The following CYSTM1 variants were observed in gnomAD, a reference collection of about 807,000 sequenced individuals.
CYSTM1 encodes the protein cysteine-rich transmembrane module-containing protein 1.
In CYSTM1, 4 loss-of-function variants were observed where a neutral mutation model predicts 13.1. The observed-to-expected ratio is 0.31, with a 90% confidence interval of 0.15 to 0.70. The LOEUF is 0.70. CYSTM1 is among the 30% of genes least tolerant of loss of function. The probability of loss-of-function intolerance (pLI) is 0.72; values close to 1 mark genes in which losing one functional copy is unlikely to be tolerated. For synonymous variants in CYSTM1, 36 were observed against 42.7 expected (o/e 0.84, Z 0.62); for missense variants, 96 against 121.6 (o/e 0.79, Z 0.99).
intron 1 of CYSTM1, among the ~76,000 whole-genome samples, chr5:140,182,551 C>T (rs963551146): frequency 2.0e-5 from 3 of 151,538 alleles, no homozygotes; most frequent in Non-Finnish European, 4.4e-5. Context: ...TTACATTGTT[C>T]TTTCTGTGCC....
At chr5:140,208,724 T>A (rs1052653397) in intron 2 of CYSTM1, among the ~76,000 whole-genome samples, 1 of 152,022 alleles carries the variant, frequency 6.6e-6, no homozygotes, top group African/African-American at 2.4e-5. Context: ...AAAATTAAAA[T>A]AAAAAAATAT....
chr5:140,216,048 C>G (rs1764422174), intron 2 of CYSTM1, among the ~76,000 whole-genome samples: 1 of 151,702 alleles, frequency 6.6e-6, no homozygotes, highest in South Asian at 2.1e-4. Context: ...AGACTGAGGC[C>G]AGAGAATCAC....
chr5:140,177,079 A>AAAAAAAAAAAC (rs1763900139), intron 1 of CYSTM1, among the ~76,000 whole-genome samples: 1 of 119,712 alleles, frequency 8.4e-6, no homozygotes, highest in Non-Finnish European at 1.9e-5. Flanking sequence ...AAAAAAAAAA[A>AAAAAAAAAAAC]AAAAAAAATC....
chr5:140,230,739 T>G lies in CYSTM1; in HGVS notation c.188-12566T>G, dbSNP rs1039045416. On this transcript the variant is annotated intron_variant, in intron 2 of 2. Coordinates refer to ENST00000261811, the MANE Select transcript of CYSTM1 (RefSeq NM_032412.4). The surrounding 1 kb of genome is among the most constrained non-coding windows in gnomAD (Gnocchi z 4.1). ...TTCTTGACTGCCATCTTGTAAACTC[T>G]GTTAGGGATTGGTGTCTTTAATCTT... Among the ~76,000 whole-genome samples the G allele has an allele frequency of 6.6e-6, 1 of 152,228 alleles. No individual in the cohort carries two copies. The highest frequency in any genetic ancestry group is 2.4e-5 in the African/African-American group (1 of 41,456).
At chr5:140,214,102 G>A (rs902210339) in intron 2 of CYSTM1, among the ~76,000 whole-genome samples, 1 of 152,168 alleles carries the variant, frequency 6.6e-6, no homozygotes, top group Admixed American at 6.5e-5. Flanking sequence ...TGGGGACTCA[G>A]CACCATCTTA....
chr5:140,233,724 A>T (rs997489933), intron 2 of CYSTM1, among the ~76,000 whole-genome samples: 1 of 152,122 alleles, frequency 6.6e-6, no homozygotes, highest in Non-Finnish European at 1.5e-5. Context: ...GTGTTTTCCT[A>T]ATAGTTAGTG....
intron 2 of CYSTM1, among the ~76,000 whole-genome samples, chr5:140,207,641 A>G (rs1247197894): frequency 6.6e-6 from 1 of 152,194 alleles, no homozygotes; most frequent in African/African-American, 2.4e-5. Flanking sequence ...CAGCATTCCA[A>G]AAAACTTAGG....
intron 1 of CYSTM1, among the ~76,000 whole-genome samples, chr5:140,183,457 T>C (rs1248524488): frequency 1.3e-5 from 2 of 152,196 alleles, no homozygotes; most frequent in African/African-American, 4.8e-5. Flanking sequence ...TATAATGCTG[T>C]CCTATATGTC....
chr5:140,237,990 C>T (rs1581074977), intron 2 of CYSTM1, among the ~76,000 whole-genome samples: 1 of 152,186 alleles, frequency 6.6e-6, no homozygotes, highest in Admixed American at 6.5e-5. Context: ...ATGTAAACGC[C>T]CGCACCTGTC....
intron 2 of CYSTM1, among the ~76,000 whole-genome samples, chr5:140,234,013 G>A (rs1764649198): frequency 6.6e-6 from 1 of 152,152 alleles, no homozygotes; most frequent in Non-Finnish European, 1.5e-5. Flanking sequence ...CGTTTTTGGT[G>A]TCAGTCTAAG....
chr5:140,196,348 G>A (rs901749811), intron 2 of CYSTM1, among the ~76,000 whole-genome samples: 2 of 152,160 alleles, frequency 1.3e-5, no homozygotes, highest in Non-Finnish European at 2.9e-5. Context: ...TCCTCTTAGA[G>A]ATTTTCCTGT....
chr5:140,231,458 T>A (rs7704262), intron 2 of CYSTM1, among the ~76,000 whole-genome samples: 35,090 of 152,038 alleles, frequency 0.23, 4,080 homozygotes, highest in African/African-American at 0.25. Flanking sequence ...CTCCAGAGTG[T>A]CAGGTGACAG....
chr5:140,192,741 G>GC (rs1377416249), intron 1 of CYSTM1, among the ~76,000 whole-genome samples: 3 of 152,188 alleles, frequency 2.0e-5, no homozygotes, highest in Non-Finnish European at 4.4e-5. Flanking sequence ...GCCAGGGAGT[G>GC]CCATTTGCAT....
chr5:140,220,220 T>G (rs1299053996), intron 2 of CYSTM1, among the ~76,000 whole-genome samples: 1 of 152,176 alleles, frequency 6.6e-6, no homozygotes, highest in African/African-American at 2.4e-5. Context: ...GTTCATGCAT[T>G]AATCACCCTA....
At chr5:140,207,317 G>A (rs1421167995) in intron 2 of CYSTM1, among the ~76,000 whole-genome samples, 1 of 152,110 alleles carries the variant, frequency 6.6e-6, no homozygotes, top group South Asian at 2.1e-4. Flanking sequence ...CAGCTATCTC[G>A]AGGGCTTCCC....
Position 140,241,136 on chromosome 5 carries a change from G to A in CYSTM1, c.188-2169G>A, listed in dbSNP as rs573129395. 2.0e-5 allele frequency among the ~76,000 whole-genome samples: 3 copies of A among 152,350 alleles called. No individual in the cohort carries two copies. The East Asian group carries it at 5.8e-4, about 29-fold the overall frequency. On this transcript the variant is annotated intron_variant, in intron 2 of 2. Transcript: ENST00000261811. ...CCTAGTTCCCCACGTTTCCAAGTATGTTATGTGAAAGCCCTGGCAAGAACG... is the reference window on the plus strand; with the variant it reads ...CCTAGTTCCCCACGTTTCCAAGTATATTATGTGAAAGCCCTGGCAAGAACG...
At chr5:140,179,666 TTTC>T (rs1763940062) in intron 1 of CYSTM1, among the ~76,000 whole-genome samples, 1 of 60,446 alleles carries the variant, frequency 1.7e-5, no homozygotes, top group South Asian at 3.2e-4. Context: ...TTTTCTTTCT[TTTC>T]TTTTCTTTTG....
intron 2 of CYSTM1, among the ~76,000 whole-genome samples, chr5:140,207,993 G>A (rs1049393229): frequency 5.9e-5 from 9 of 152,150 alleles, no homozygotes; most frequent in Non-Finnish European, 1.3e-4. Context: ...CTGTTGGGGG[G>A]AATGTAAATT....
In CYSTM1 at chr5:140,178,441, C is replaced by CTTTTTTTTTTTTTTTTTTTT. The variant is rs577709524; in HGVS notation, c.-21+3162_-21+3181dup. On this transcript the variant is annotated intron_variant, in intron 1 of 2. Transcript: ENST00000261811. ...TGGAAAAGCCCTATTCAAGTCCTTCCTTTTTTTTTTTTTTTTTTTTTTTTT... is the reference window on the plus strand; with the variant it reads ...TGGAAAAGCCCTATTCAAGTCCTTCCTTTTTTTTTTTTTTTTTTTTTTTTTTTTTTTTTTTTTTTTTTTTT... Among the ~76,000 whole-genome samples the CTTTTTTTTTTTTTTTTTTTT allele has an allele frequency of 4.5e-3, 235 of 52,666 alleles. 32 individuals are homozygous for CTTTTTTTTTTTTTTTTTTTT. Among genetic ancestry groups the CTTTTTTTTTTTTTTTTTTTT allele is most frequent in the Middle Eastern group, 0.015 (1 of 68 alleles). The allele number at this position is 52,666 out of a possible 152,430, so 34.6% of individuals were successfully genotyped here.
Sources: allele counts gnomAD v4.1 joint callset (sites outside exome capture counted in the v4.1 genomes callset), GRCh38; gene constraint gnomAD v4.1.1; non-coding constraint Gnocchi (gnomAD v3.1); transcripts MANE v1.5; gene names NCBI Gene and HGNC (gene_info 2026-07-23, HGNC 2026-07-21).